Variants in HMGA2 observed in about 807,000 individuals in gnomAD.
HMGA2 encodes high mobility group AT-hook 2.
HMGA2 carries 8 observed loss-of-function variants against 19.1 expected under a neutral mutation model. The ratio of observed to expected loss-of-function variants is 0.42; its 90% CI spans 0.25 to 0.76. HMGA2 has a LOEUF of 0.76. Among genes scored for constraint, HMGA2 ranks in the 30% least tolerant of loss-of-function variants. The pLI is 0.28. For missense variants in HMGA2, 109 were observed against 136.3 expected (o/e 0.80, Z 1.00); for synonymous variants, 60 against 48.8 (o/e 1.23, Z -0.96).
At chr12:65,931,587 GTGTT>G (rs1425205008) in intron 3 of HMGA2, among the ~76,000 whole-genome samples, 3 of 149,770 alleles carry the variant, frequency 2.0e-5, no homozygotes, top group Admixed American at 6.7e-5. Flanking sequence ...GTGTGTGTGT[GTGTT>G]TGTGTGCGTA....
intron 3 of HMGA2, among the ~76,000 whole-genome samples, chr12:65,910,488 C>T (rs953889855): frequency 6.6e-6 from 1 of 152,108 alleles, no homozygotes; most frequent in African/African-American, 2.4e-5. Flanking sequence ...TTCTGTTGTC[C>T]CAATGTTATA....
intron 4 of HMGA2, chr12:65,953,345 G>C (rs1236364516): frequency 6.6e-6 from 1 of 152,088 alleles, no homozygotes; most frequent in Non-Finnish European, 1.5e-5. Flanking sequence ...GAATGCCTCA[G>C]GTTATCAAGG....
At chr12:65,939,036 G>GAGCT (rs1371223638) in intron 3 of HMGA2, among the ~76,000 whole-genome samples, 3 of 152,170 alleles carry the variant, frequency 2.0e-5, no homozygotes, top group African/African-American at 7.2e-5. Context: ...TGAGGAAGAA[G>GAGCT]AGCTACAAGA....
intron 3 of HMGA2, among the ~76,000 whole-genome samples, chr12:65,940,869 C>T (rs1271278044): frequency 6.6e-6 from 1 of 152,166 alleles, no homozygotes; most frequent in Admixed American, 6.5e-5. Flanking sequence ...AGTCAGTGCA[C>T]TTTTAAATCA....
In HMGA2 at chr12:65,915,352, G is replaced by A. The variant is rs1399507024; in HGVS notation, c.250-36031G>A. 3.7e-6 allele frequency: 5 copies of A among 1,345,878 alleles called. No individual in the cohort carries two copies. The Admixed American group carries it at 8.9e-5, about 24-fold the overall frequency. The allele number at this position is 1,345,878 out of a possible 1,614,324, so 83.4% of individuals were successfully genotyped here. A position where few individuals can be genotyped will look rare whatever the true frequency, so the allele number is the denominator to read the frequency against. Reference sequence around the variant, plus strand: ...GCTACCCCATATGGCACCCTTGTACGAATTTGAAAAAAGTACTCACTCTAG... The same window carrying A: ...GCTACCCCATATGGCACCCTTGTACAAATTTGAAAAAAGTACTCACTCTAG... On this transcript the variant is annotated intron_variant, in intron 3 of 4. Coordinates refer to ENST00000403681, the MANE Select transcript of HMGA2 (RefSeq NM_003483.6).
chr12:65,895,467 G>A (rs565877939), intron 3 of HMGA2, among the ~76,000 whole-genome samples: 8 of 152,178 alleles, frequency 5.3e-5, no homozygotes, highest in African/African-American at 1.7e-4. Flanking sequence ...ATTCTCTATT[G>A]TGGCAACTTT....
intron 3 of HMGA2, among the ~76,000 whole-genome samples, chr12:65,943,937 C>T (rs1321419158): frequency 6.6e-6 from 1 of 152,120 alleles, no homozygotes; most frequent in Non-Finnish European, 1.5e-5. Context: ...CCAAAGCCTC[C>T]CATCACTAGG....
At chr12:65,870,683 C>T (rs1309145932) in intron 3 of HMGA2, among the ~76,000 whole-genome samples, 6 of 152,178 alleles carry the variant, frequency 3.9e-5, no homozygotes, top group East Asian at 1.9e-4. Context: ...GAGCCGAGAT[C>T]GTGCCACTGC....
chr12:65,845,286 T>G (rs1028470342), intron 3 of HMGA2, among the ~76,000 whole-genome samples: 3 of 152,176 alleles, frequency 2.0e-5, no homozygotes, highest in African/African-American at 7.2e-5. Context: ...TTGTTTTGTT[T>G]TCGAGACAGT....
chr12:65,857,860 G>A (rs940948706), intron 3 of HMGA2: 2 of 152,438 alleles, frequency 1.3e-5, no homozygotes, highest in Non-Finnish European at 2.9e-5. Flanking sequence ...AGACCTAGGA[G>A]AACAATATTT....
At chr12:65,837,517 A>G (rs1870785722) in intron 2 of HMGA2, among the ~76,000 whole-genome samples, 1 of 152,210 alleles carries the variant, frequency 6.6e-6, no homozygotes, top group African/African-American at 2.4e-5. Flanking sequence ...AGTTACCTGT[A>G]TTTGTGTGTT....
At chr12:65,919,696 G>A (rs1875234183) in intron 3 of HMGA2, among the ~76,000 whole-genome samples, 1 of 152,236 alleles carries the variant, frequency 6.6e-6, no homozygotes, top group South Asian at 2.1e-4. Context: ...TACAATGTCT[G>A]TGAATCCATC....
intron 4 of HMGA2, chr12:65,954,532 A>G (rs1319455252): frequency 2.0e-5 from 3 of 152,206 alleles, no homozygotes; most frequent in Non-Finnish European, 4.4e-5. Context: ...CCCTTGTTGA[A>G]CCTGGGGTAC....
chr12:65,864,773 T>C (rs1207744489), intron 3 of HMGA2, among the ~76,000 whole-genome samples: 1 of 152,214 alleles, frequency 6.6e-6, no homozygotes, highest in African/African-American at 2.4e-5. Context: ...AAATTGTCAG[T>C]GGCCTACATT....
At position 65,964,418 on chromosome 12, in the gene HMGA2, G is replaced by A. The variant is rs1200781629; in HGVS notation, c.*1126G>A. The A allele has an allele frequency of 9.0e-6, 2 of 223,348 alleles. No individual in the cohort carries two copies. The highest frequency in any genetic ancestry group is 4.5e-5 in the African/African-American group (2 of 44,706). The allele number at this position is 223,348 out of a possible 1,614,324, so 13.8% of individuals were successfully genotyped here. A position where few individuals can be genotyped will look rare whatever the true frequency, so the allele number is the denominator to read the frequency against. ...ACCACTTACCTCAAATTAAGCATAT[G>A]TGTTACTTCAAGTAATACGTTTTGA... On this transcript the variant is annotated 3_prime_UTR_variant, in exon 5 of 5. Transcript: ENST00000403681.
intron 3 of HMGA2, among the ~76,000 whole-genome samples, chr12:65,876,398 T>TATGATG (rs1199705139): frequency 2.0e-5 from 3 of 152,174 alleles, no homozygotes; most frequent in Non-Finnish European, 4.4e-5. Flanking sequence ...TCACATCTAT[T>TATGATG]AAAACAGTGA....
intron 4 of HMGA2, among the ~76,000 whole-genome samples, 161 bp from the exon 5 acceptor site, chr12:65,963,084 G>C (rs898067504): frequency 1.3e-5 from 2 of 152,014 alleles, no homozygotes; most frequent in African/African-American, 4.8e-5. Context: ...CCTCAATTAC[G>C]GTTTAAGAAG....
chr12:65,833,374 A>T (rs1425791968), intron 2 of HMGA2, among the ~76,000 whole-genome samples: 1 of 151,864 alleles, frequency 6.6e-6, no homozygotes, highest in East Asian at 1.9e-4. Flanking sequence ...AGATACATGC[A>T]AACAAGACAG....
At chr12:65,931,713 G>C (rs2121267872) in intron 3 of HMGA2, among the ~76,000 whole-genome samples, 1 of 152,232 alleles carries the variant, frequency 6.6e-6, no homozygotes, top group Middle Eastern at 3.4e-3. Context: ...GGATCTATTA[G>C]TGGATGGGCG....
Sources: allele counts gnomAD v4.1 joint callset (sites outside exome capture counted in the v4.1 genomes callset), GRCh38; gene constraint gnomAD v4.1.1; transcripts MANE v1.5; gene names NCBI Gene and HGNC (gene_info 2026-07-23, HGNC 2026-07-21).